The following XKR9 variants were observed in gnomAD, a reference collection of about 807,000 sequenced individuals.
XKR9 encodes the protein XK related 9.
Under a neutral mutation model 32.0 loss-of-function variants are expected in XKR9, and 32 were observed. That is an observed-to-expected ratio of 1.00 (90% confidence interval 0.76 to 1.34). XKR9 has a LOEUF of 1.34. Ranked by LOEUF, XKR9 falls within the 40% of genes most tolerant of loss-of-function variation. The pLI, the probability that XKR9 is intolerant of heterozygous loss-of-function variation, is 0.00. For synonymous variants in XKR9, 168 were observed against 143.4 expected, an observed-to-expected ratio of 1.17 and a Z score of -1.22; for missense variants, 546 against 429.7, an observed-to-expected ratio of 1.27 and a Z score of -2.39.
At chr8:70,795,945 A>T in the XKR9 span, among the ~76,000 whole-genome samples, 2 of 152,056 alleles carry the variant, frequency 1.3e-5, no homozygotes, top group African/African-American at 4.8e-5. Flanking sequence ...TTCACTCAAC[A>T]TTTGGTAGAA....
chr8:70,984,311 C>T, the XKR9 span, among the ~76,000 whole-genome samples: 9 of 152,160 alleles, frequency 5.9e-5, no homozygotes, highest in Non-Finnish European at 1.0e-4. Context: ...TGGCCTGGAC[C>T]CATGATGCCA....
In XKR9 at chr8:70,733,968, TCTA is replaced by T. The variant is rs1806764156; in HGVS notation, c.670_672del (p.Leu224del). On this transcript the variant is annotated inframe_deletion, in exon 5 of 5. Transcript: ENST00000408926. ...TATCGTGGATGCTGAGTGTTGTACT[TCTA>T]CTATTCTTAAATGTTAAGATTGCTT... The T allele has an allele frequency of 6.2e-7, 1 of 1,612,462 alleles. No homozygotes were observed. The highest frequency in any genetic ancestry group is 1.7e-5 in the Admixed American group (1 of 59,814).
At chr8:71,035,782 C>G in the XKR9 span, among the ~76,000 whole-genome samples, 1 of 152,142 alleles carries the variant, frequency 6.6e-6, no homozygotes, top group Non-Finnish European at 1.5e-5. Flanking sequence ...GCAGGAAGAT[C>G]TCTCTGACCT....
At chr8:70,831,835 G>C in the XKR9 span, among the ~76,000 whole-genome samples, 3 of 152,104 alleles carry the variant, frequency 2.0e-5, no homozygotes, top group Admixed American at 6.5e-5. Flanking sequence ...AAAGCCTCAC[G>C]ACTAGTAAAT....
intron 2 of XKR9, among the ~76,000 whole-genome samples, chr8:70,775,402 T>A (rs761004412): frequency 6.6e-6 from 1 of 152,212 alleles, no homozygotes; most frequent in African/African-American, 2.4e-5. Flanking sequence ...TCACTACTAC[T>A]GAAATAGTGT....
At chr8:70,960,249 C>CA in the XKR9 span, among the ~76,000 whole-genome samples, 649 of 140,088 alleles carry the variant, frequency 4.6e-3, 7 homozygotes, top group African/African-American at 0.016. Flanking sequence ...CCGTCCCCCC[C>CA]AAAAAAAAAA....
chr8:70,930,466 T>G, the XKR9 span, among the ~76,000 whole-genome samples: 1 of 152,182 alleles, frequency 6.6e-6, no homozygotes, highest in Non-Finnish European at 1.5e-5. Context: ...AGCATATTTT[T>G]AAAGCTATTA....
intron 4 of XKR9, among the ~76,000 whole-genome samples, chr8:70,725,735 G>T (rs1316121532): frequency 1.3e-5 from 2 of 152,016 alleles, no homozygotes; most frequent in African/African-American, 2.4e-5. Flanking sequence ...GTGAAACCCT[G>T]TCTCTACTAA....
the XKR9 span, among the ~76,000 whole-genome samples, chr8:70,937,797 C>A: frequency 1.3e-5 from 2 of 152,096 alleles, no homozygotes; most frequent in African/African-American, 2.4e-5. Context: ...GCTTCCAGCA[C>A]ACTGACCTCT....
intron 4 of XKR9, among the ~76,000 whole-genome samples, chr8:70,709,944 C>T (rs1478952975): frequency 6.6e-6 from 1 of 151,956 alleles, no homozygotes; most frequent in African/African-American, 2.4e-5. Context: ...AAAAAAGATT[C>T]TCAAATTCAT....
the XKR9 span, among the ~76,000 whole-genome samples, chr8:70,991,925 TC>T: frequency 1 from 152,359 of 152,362 alleles, 76,178 homozygotes; most frequent in Middle Eastern, 1. Context: ...TGTTGACTTC[TC>T]CCTACATCCA....
chr8:70,950,641 C>T, the XKR9 span, among the ~76,000 whole-genome samples: 5 of 151,614 alleles, frequency 3.3e-5, no homozygotes, highest in African/African-American at 4.8e-5. Flanking sequence ...AAGCTCTTCC[C>T]TTTTCTCTTT....
chr8:70,772,935 T>G (rs954352333), intron 2 of XKR9, among the ~76,000 whole-genome samples: 1 of 152,192 alleles, frequency 6.6e-6, no homozygotes, highest in Non-Finnish European at 1.5e-5. Flanking sequence ...TCGAAAAGTG[T>G]TTTGAACATT....
the XKR9 span, among the ~76,000 whole-genome samples, chr8:70,795,819 T>C: frequency 6.6e-6 from 1 of 152,152 alleles, no homozygotes; most frequent in Non-Finnish European, 1.5e-5. Context: ...TTGCCCACTT[T>C]TTAATGGAGT....
chr8:70,706,635 C>A lies in XKR9; in HGVS notation c.273-298C>A, dbSNP rs187268588. 1.0e-3 allele frequency among the ~76,000 whole-genome samples: 158 copies of A among 152,164 alleles called. 1 individual carries two copies. The highest frequency in any genetic ancestry group is 6.8e-3 in the Middle Eastern group (2 of 294). On this transcript the variant is annotated intron_variant, in intron 3 of 4. Coordinates refer to ENST00000408926, the MANE Select transcript of XKR9 (RefSeq NM_001011720.2). ...TCTTTCTCAGCTTTAGTTTTTCCATCTGTGAAATGGAATAATGTCTCCTTT... is the reference window on the plus strand; with the variant it reads ...TCTTTCTCAGCTTTAGTTTTTCCATATGTGAAATGGAATAATGTCTCCTTT...
intron 4 of XKR9, among the ~76,000 whole-genome samples, chr8:70,722,640 T>A (rs982346611): frequency 6.6e-6 from 1 of 152,224 alleles, no homozygotes; most frequent in Non-Finnish European, 1.5e-5. Context: ...GTGTTCTGGC[T>A]TGTAGGGTTT....
At chr8:70,749,601 C>T (rs959535476) in intron 2 of XKR9, among the ~76,000 whole-genome samples, 2 of 146,330 alleles carry the variant, frequency 1.4e-5, no homozygotes, top group Non-Finnish European at 3.0e-5. Flanking sequence ...AGTGGCTGGA[C>T]CCATGCTTGC....
At chr8:70,967,852 C>G in the XKR9 span, among the ~76,000 whole-genome samples, 4 of 152,072 alleles carry the variant, frequency 2.6e-5, no homozygotes, top group African/African-American at 9.7e-5. Context: ...GCCTTTCTCT[C>G]TGGCTGCCCT....
chr8:70,787,564 A>C (rs1337086941), intron 2 of XKR9, among the ~76,000 whole-genome samples: 3 of 152,128 alleles, frequency 2.0e-5, no homozygotes, highest in African/African-American at 7.2e-5. Context: ...CCACCAGAAT[A>C]AAATGAGAAG....
Sources: gnomAD v4.1 joint callset for allele counts (sites outside exome capture counted in the v4.1 genomes callset) on GRCh38, gnomAD v4.1.1 for gene constraint, MANE v1.5 for transcripts, NCBI Gene and HGNC (gene_info 2026-07-23, HGNC 2026-07-21) for gene names.